CTTN: variants seen among roughly 807,000 people sequenced by gnomAD.
CTTN encodes the protein cortactin, also known as src substrate cortactin.
Under a neutral mutation model 84.0 loss-of-function variants are expected in CTTN, and 28 were observed. That is an observed-to-expected ratio of 0.33 (90% CI 0.25 to 0.46). The LOEUF (loss-of-function observed/expected upper bound fraction) is 0.46. CTTN is among the 20% of genes least tolerant of loss of function. The pLI, the probability that CTTN is intolerant of heterozygous loss-of-function variation, is 1.00. For missense variants in CTTN, 641 were observed against 723.8 expected, an observed-to-expected ratio of 0.89 and a Z score of 1.31; for synonymous variants, 301 against 288.8, an observed-to-expected ratio of 1.04 and a Z score of -0.43.
intron 6 of CTTN, among the ~76,000 whole-genome samples, chr11:70,414,995 G>T (rs943517403): frequency 6.6e-6 from 1 of 151,652 alleles, no homozygotes; most frequent in Admixed American, 6.6e-5. Context: ...AGCCTATACC[G>T]GGGGGGCAGG....
chr11:70,407,611 C>T lies in CTTN; in HGVS notation c.161+20C>T, dbSNP rs780063275. The stretch of plus-strand genomic sequence containing the variant: ...TATCAAGTAAGAGGCGTCGCCACCA[C>T]CCTCCCGAGGGCCCCTCTGCGGATG... On this transcript the variant is annotated intron_variant, in intron 4 of 17. Coordinates refer to ENST00000301843, the MANE Select transcript of CTTN (RefSeq NM_005231.4). The T allele has an allele frequency of 1.2e-6, 2 of 1,611,168 alleles. No individual in the cohort carries two copies. Among genetic ancestry groups the T allele is most frequent in the Admixed American group, 3.3e-5 (2 of 60,024 alleles).
At chr11:70,400,107 T>C (rs1464668437) in intron 1 of CTTN, among the ~76,000 whole-genome samples, 1 of 152,204 alleles carries the variant, frequency 6.6e-6, no homozygotes, top group African/African-American at 2.4e-5. Flanking sequence ...GAGGCAGGGT[T>C]GTTTTGATAT....
rs752630251 is a variant in CTTN, at chr11:70,429,142, A to C, written c.1119A>C (p.Arg373Ser). The change falls in exon 14 of 18, where the codon AGA (arginine) becomes AGC (serine). Residue 373 changes from arginine (R) to serine (S), a missense_variant. This residue lies in a region of CTTN where 289 missense variants were observed against 273.1 expected (regional missense o/e 1.06). Transcript: ENST00000301843. ...ACAGGCGGAAGGCGGAGGCGGAGAG[A>C]GCCCAGCGGATGGCCAAGGAGCGGC... ...QEDRRKAEAE[R>S]AQRMAKERQE... 6.2e-7 allele frequency: 1 copy of C among 1,614,028 alleles called. No homozygotes were observed. Among genetic ancestry groups the C allele is most frequent in the South Asian group, 1.1e-5 (1 of 91,078 alleles).
intron 10 of CTTN, 76 bp from the exon 11 acceptor site, chr11:70,421,394 G>A (rs1565495210): frequency 1.7e-5 from 17 of 1,021,090 alleles, no homozygotes; most frequent in South Asian, 5.2e-5. Flanking sequence ...TGATTTTTGC[G>A]CATGCTCATG....
At chr11:70,434,944 G>A (rs924890961) in intron 17 of CTTN, 82 bp from the exon 18 acceptor site, 4 of 1,494,452 alleles carry the variant, frequency 2.7e-6, no homozygotes, top group African/African-American at 1.4e-5. Flanking sequence ...CTGCCTGGGA[G>A]CTTGCTCTGG....
chr11:70,425,912 A>C (rs2058295302), intron 13 of CTTN, among the ~76,000 whole-genome samples: 1 of 152,172 alleles, frequency 6.6e-6, no homozygotes, highest in African/African-American at 2.4e-5. Context: ...CCGGAGAGTC[A>C]AGTAGTTGGG....
rs368080048 is a variant in CTTN, at chr11:70,435,166, C to T, written c.*4C>T. On this transcript the variant is annotated 3_prime_UTR_variant, in exon 18 of 18. Transcript: ENST00000301843. ...CTATGTGGAGCTGCGGCAGTAGGGC[C>T]CCCAGCCCCCCCCCGGAGCTGCGCC... The T allele has an allele frequency of 1.2e-6, 2 of 1,604,586 alleles. No individual in the cohort carries two copies. Among genetic ancestry groups the T allele is most frequent in the East Asian group, 2.2e-5 (1 of 44,776 alleles).
rs111234896 is a variant in CTTN at position 70,425,614 on chromosome 11, C to T, written c.1027+213C>T. On this transcript the variant is annotated intron_variant, in intron 13 of 17. Transcript: ENST00000301843. ...CCTTTTAGACGCAGCATGGTGCAGC[C>T]GTTTCAGTGGGGCCCGTTTCAAGGG... Among the ~76,000 whole-genome samples, 1,445 of 152,258 alleles carry T rather than the reference C, an allele frequency of 9.5e-3. 35 individuals are homozygous for T. Among genetic ancestry groups the T allele is most frequent in the African/African-American group, 0.033 (1,382 of 41,538 alleles).
chr11:70,420,452 C>T lies in CTTN; in HGVS notation c.732C>T (p.Asp244=). Residue 244 remains aspartate, a synonymous_variant, in exon 10 of 18, where the codon GAC becomes GAT. Coordinates refer to ENST00000301843, the MANE Select transcript of CTTN (RefSeq NM_005231.4). ...TTGGTGTGCAGACAGACAGACAAGACAAATGTGCCCTTGGCTGGGATCACC... is the reference window on the plus strand; with the variant it reads ...TTGGTGTGCAGACAGACAGACAAGATAAATGTGCCCTTGGCTGGGATCACC... ...GKFGVQTDRQ[D]KCALGWDHQE... is the part of the protein sequence containing the mutation. 6.2e-7 allele frequency: 1 copy of T among 1,614,200 alleles called. No individual in the cohort carries two copies. Among genetic ancestry groups the T allele is most frequent in the African/African-American group, 1.3e-5 (1 of 75,056 alleles).
At chr11:70,399,530 G>C (rs1482379397) in intron 1 of CTTN, among the ~76,000 whole-genome samples, 1 of 152,126 alleles carries the variant, frequency 6.6e-6, no homozygotes, top group African/African-American at 2.4e-5. Flanking sequence ...GCGAGGCGCG[G>C]CTGCAGCTAG....
intron 15 of CTTN, among the ~76,000 whole-genome samples, chr11:70,432,713 C>T (rs945611784): frequency 1.9e-4 from 29 of 152,232 alleles, no homozygotes; most frequent in African/African-American, 6.8e-4. Context: ...GGTGGCCGCT[C>T]GGCCCAAGGG....
intron 9 of CTTN, 47 bp from the exon 10 acceptor site, chr11:70,420,353 T>C (rs754607368): frequency 8.0e-7 from 1 of 1,249,128 alleles, no homozygotes; most frequent in South Asian, 1.2e-5. Flanking sequence ...ACCTGTGACC[T>C]GCACTACCTG....
chr11:70,402,228 T>G (rs1003018075), intron 1 of CTTN, among the ~76,000 whole-genome samples: 4 of 152,222 alleles, frequency 2.6e-5, no homozygotes, highest in Non-Finnish European at 4.4e-5. Flanking sequence ...GTTTGTGCAA[T>G]CTTGATTTGT....
chr11:70,426,192 G>A (rs890132393), intron 13 of CTTN, among the ~76,000 whole-genome samples: 21 of 152,186 alleles, frequency 1.4e-4, no homozygotes, highest in Admixed American at 1.0e-3. Context: ...CGGATCACGA[G>A]GTCAGGAGAT....
intron 15 of CTTN, among the ~76,000 whole-genome samples, chr11:70,432,281 G>A (rs1290276250): frequency 2.0e-5 from 3 of 152,118 alleles, no homozygotes; most frequent in Non-Finnish European, 4.4e-5. Context: ...AGGAAGCTCC[G>A]ACCCTGCCCC....
intron 5 of CTTN, among the ~76,000 whole-genome samples, chr11:70,410,772 G>T (rs1338788328): frequency 6.6e-6 from 1 of 152,198 alleles, no homozygotes; most frequent in East Asian, 1.9e-4. Context: ...ACAGATGCTT[G>T]CCTTTACTCT....
At chr11:70,415,957 C>A in intron 7 of CTTN, 1 of 475,060 alleles carries the variant, frequency 2.1e-6, no homozygotes. Flanking sequence ...CCCCTCGGAG[C>A]CCTGGCATCT....
chr11:70,401,630 A>T (rs2057983276), intron 1 of CTTN, among the ~76,000 whole-genome samples: 1 of 152,018 alleles, frequency 6.6e-6, no homozygotes, highest in Non-Finnish European at 1.5e-5. Flanking sequence ...CCTGGGCAAC[A>T]GAGTGAGACT....
At chr11:70,416,794 T>C (rs1320574557) in intron 7 of CTTN, 2 of 532,416 alleles carry the variant, frequency 3.8e-6, no homozygotes, top group African/African-American at 3.8e-5. Flanking sequence ...GGAACTGCCC[T>C]GTAACAGCTG....
Sources: gnomAD v4.1 joint callset for allele counts (sites outside exome capture counted in the v4.1 genomes callset) on GRCh38, gnomAD v4.1.1 for gene constraint, gnomAD v4.1.1 regional missense constraint, MANE v1.5 for transcripts, NCBI Gene and HGNC (gene_info 2026-07-23, HGNC 2026-07-21) for gene names.